DCLK2: variants seen among roughly 807,000 people sequenced by gnomAD.
The protein encoded by DCLK2 is doublecortin like kinase 2.
A neutral mutation model predicts 78.4 loss-of-function variants in DCLK2; 31 were observed. The observed-to-expected ratio is 0.40, with a 90% confidence interval of 0.30 to 0.53. The LOEUF is 0.53. DCLK2 is among the 20% of genes least tolerant of loss of function. The pLI is 0.61. For synonymous variants in DCLK2, 407 were observed against 374.9 expected, an observed-to-expected ratio of 1.09 and a Z score of -0.99; for missense variants, 872 against 973.7, an observed-to-expected ratio of 0.90 and a Z score of 1.39.
chr4:150,215,989 A>G (rs888912642), intron 5 of DCLK2, among the ~76,000 whole-genome samples: 1 of 152,266 alleles, frequency 6.6e-6, no homozygotes, highest in Non-Finnish European at 1.5e-5. Flanking sequence ...AGCCAGGAAC[A>G]TGGATGAAAA....
intron 2 of DCLK2, among the ~76,000 whole-genome samples, chr4:150,172,256 C>T (rs1736588029): frequency 6.6e-6 from 1 of 152,062 alleles, no homozygotes; most frequent in South Asian, 2.1e-4. Flanking sequence ...TTTCTTTGTG[C>T]CCATATGCAG....
chr4:150,191,463 C>T (rs184287404), intron 2 of DCLK2, among the ~76,000 whole-genome samples: 9 of 152,068 alleles, frequency 5.9e-5, no homozygotes, highest in South Asian at 4.2e-4. Flanking sequence ...GAAGTAGAGA[C>T]GCTTGAAAAC....
chr4:150,204,113 C>T lies in DCLK2; in HGVS notation c.1056+224C>T, dbSNP rs376611037. 1.7e-4 allele frequency among the ~76,000 whole-genome samples: 26 copies of T among 152,198 alleles called. No individual in the cohort carries two copies. The East Asian group carries it at 2.3e-3, about 14-fold the overall frequency. On this transcript the variant is annotated intron_variant, in intron 5 of 15. Transcript: ENST00000296550. ...GTTTCTCTTCTCTAAAATGGGAACA[C>T]GGGGTTGTGGTGTTCTTATTTTAGA...
chr4:150,223,719 G>A (rs1741373720), intron 7 of DCLK2, among the ~76,000 whole-genome samples: 2 of 150,658 alleles, frequency 1.3e-5, no homozygotes, highest in Admixed American at 1.3e-4. Context: ...ACTCCAGCCT[G>A]GCTGACAGAG....
chr4:150,200,942 C>T (rs1194834101), intron 4 of DCLK2, among the ~76,000 whole-genome samples: 2 of 152,130 alleles, frequency 1.3e-5, no homozygotes, highest in East Asian at 1.9e-4. Context: ...CTCAGCCTCC[C>T]GAGTAGCTGG....
At chr4:150,135,303 TG>T (rs1733616150) in intron 2 of DCLK2, among the ~76,000 whole-genome samples, 1 of 152,202 alleles carries the variant, frequency 6.6e-6, no homozygotes, top group Admixed American at 6.5e-5. Flanking sequence ...AGAAATCTGT[TG>T]GAACATTTCT....
rs917955471 is a variant in DCLK2, at chr4:150,079,444, G to A, written c.417G>A (p.Leu139=). 5 of 1,516,128 alleles carry A rather than the reference G, an allele frequency of 3.3e-6. No individual in the cohort carries two copies. The South Asian group carries it at 5.2e-5, about 16-fold the overall frequency. The allele number at this position is 1,516,128 out of a possible 1,614,324, so 93.9% of individuals were successfully genotyped here. ...SRKVTSLDEL[L]EGESYVCASN... ...AGGTCACCAGCCTGGACGAGCTGCT[G>A]GAAGGTAGGAGGGGAGGGCGCCGCA... Residue 139 remains leucine (L), a synonymous_variant, in exon 1 of 16, where the codon CTG becomes CTA. Transcript: ENST00000296550.
intron 2 of DCLK2, among the ~76,000 whole-genome samples, chr4:150,170,337 C>T (rs1168057086): frequency 6.6e-6 from 1 of 152,060 alleles, no homozygotes; most frequent in African/African-American, 2.4e-5. Flanking sequence ...AGCCACCATG[C>T]CCGGCCAGTT....
intron 2 of DCLK2, among the ~76,000 whole-genome samples, chr4:150,126,569 A>G (rs1408374162): frequency 6.6e-6 from 1 of 152,212 alleles, no homozygotes; most frequent in African/African-American, 2.4e-5. Context: ...AGGAGATGGT[A>G]ATATGTATTT....
At chr4:150,253,902 T>C in intron 15 of DCLK2, 1 of 985,402 alleles carries the variant, frequency 1.0e-6, no homozygotes, top group Non-Finnish European at 1.2e-6. Flanking sequence ...TTGTTCTTTC[T>C]CCAGCTGCAT....
At chr4:150,169,045 C>T (rs907859540) in intron 2 of DCLK2, among the ~76,000 whole-genome samples, 1 of 151,766 alleles carries the variant, frequency 6.6e-6, no homozygotes, top group African/African-American at 2.4e-5. Flanking sequence ...AAGTGCACCC[C>T]CTCCCCACCC....
At chr4:150,244,221 C>T (rs1186494546) in intron 12 of DCLK2, among the ~76,000 whole-genome samples, 1 of 152,234 alleles carries the variant, frequency 6.6e-6, no homozygotes, top group South Asian at 2.1e-4. Context: ...AGGTGTGAGC[C>T]ACTGTGCCTG....
chr4:150,140,647 A>G (rs1461199820), intron 2 of DCLK2, among the ~76,000 whole-genome samples: 3 of 152,156 alleles, frequency 2.0e-5, no homozygotes, highest in Non-Finnish European at 4.4e-5. Context: ...ACTATGTTCT[A>G]TTTATTCTTC....
At chr4:150,194,461 C>A (rs142877694) in intron 3 of DCLK2, among the ~76,000 whole-genome samples, 1 of 152,216 alleles carries the variant, frequency 6.6e-6, no homozygotes, top group East Asian at 1.9e-4. Context: ...ATGAAAAAAT[C>A]CCCTTTTGCT....
chr4:150,137,560 G>C (rs1047712090), intron 2 of DCLK2, among the ~76,000 whole-genome samples: 10 of 152,142 alleles, frequency 6.6e-5, no homozygotes, highest in African/African-American at 2.2e-4. Flanking sequence ...ATGAGTGAAA[G>C]TTAAATGACT....
At chr4:150,242,881 G>A (rs2126608999) in intron 12 of DCLK2, among the ~76,000 whole-genome samples, 1 of 152,026 alleles carries the variant, frequency 6.6e-6, no homozygotes, top group Admixed American at 6.5e-5. Context: ...ACCGGGCCTT[G>A]GCTGGTCTCA....
At chr4:150,116,461 C>T (rs1187730749) in intron 2 of DCLK2, among the ~76,000 whole-genome samples, 2 of 152,180 alleles carry the variant, frequency 1.3e-5, no homozygotes, top group South Asian at 2.1e-4. Flanking sequence ...TCTTTTGTCC[C>T]ATGTGATGTG....
chr4:150,253,186 A>G, intron 15 of DCLK2: 1 of 491,674 alleles, frequency 2.0e-6, no homozygotes, highest in Non-Finnish European at 4.1e-6. Context: ...TACATTAAAA[A>G]TAACCTCAAA....
chr4:150,126,709 G>A (rs945535159), intron 2 of DCLK2, among the ~76,000 whole-genome samples: 3 of 152,128 alleles, frequency 2.0e-5, no homozygotes, highest in African/African-American at 4.8e-5. Flanking sequence ...CCAGCCTCCC[G>A]TAATGCTGAT....
Sources: allele counts gnomAD v4.1 joint callset (sites outside exome capture counted in the v4.1 genomes callset), GRCh38; gene constraint gnomAD v4.1.1; transcripts MANE v1.5; gene names NCBI Gene and HGNC (gene_info 2026-07-23, HGNC 2026-07-21).